The following PGAP4 variants were observed in gnomAD, a reference collection of about 807,000 sequenced individuals.
PGAP4 encodes the protein GPI-N-acetylgalactosamine transferase PGAP4.
A neutral mutation model predicts 28.2 loss-of-function variants in PGAP4; 12 were observed. The observed-to-expected ratio is 0.42, with a 90% CI of 0.27 to 0.69. The LOEUF (loss-of-function observed/expected upper bound fraction) is 0.69. Ranked by LOEUF, PGAP4 falls within the 30% of genes least tolerant of loss-of-function variation. PGAP4 has a pLI of 0.22. For missense variants in PGAP4, 425 were observed against 513.5 expected, an observed-to-expected ratio of 0.83 and a Z score of 1.67; for synonymous variants, 205 against 211.8, an observed-to-expected ratio of 0.97 and a Z score of 0.28.
chr9:101,477,211 A>AAAACAAACAAAC lies in PGAP4; in HGVS notation c.-77-54_-77-43dup, dbSNP rs71356363. 1.3e-3 allele frequency: 1,592 copies of AAAACAAACAAAC among 1,246,340 alleles called. 6 individuals are homozygous for AAAACAAACAAAC. The highest frequency in any genetic ancestry group is 8.8e-3 in the African/African-American group (564 of 64,060). 77.2% of individuals were successfully genotyped at this position (1,246,340 alleles called of 1,614,324 possible). A position where few individuals can be genotyped will look rare whatever the true frequency, so the allele number is the denominator to read the frequency against. On this transcript the variant is annotated intron_variant, in intron 1 of 1. Coordinates refer to ENST00000374848, the MANE Select transcript of PGAP4 (RefSeq NM_032342.3). ...TAGGGAATGGTAAGAGTAACTTAAA[A>AAAACAAACAAAC]AAACAAACAAACAAACAAACAAAAA... is the stretch of plus-strand genomic sequence containing the variant.
At chr9:101,512,098 G>C (rs1252613604) in intron 2 of PGAP4, among the ~76,000 whole-genome samples, 1 of 152,158 alleles carries the variant, frequency 6.6e-6, no homozygotes, top group African/African-American at 2.4e-5. Context: ...ACCTGGGTGA[G>C]AGCCTGACCA....
chr9:101,498,315 G>A (rs1182215089), intron 2 of PGAP4, among the ~76,000 whole-genome samples: 1 of 151,656 alleles, frequency 6.6e-6, no homozygotes, highest in African/African-American at 2.4e-5. Flanking sequence ...TAGCACATGA[G>A]GGCAGGGAAG....
chr9:101,519,670 C>G (rs1826971115), intron 2 of PGAP4, among the ~76,000 whole-genome samples: 2 of 150,458 alleles, frequency 1.3e-5, no homozygotes, highest in Admixed American at 1.3e-4. Context: ...TATATATACA[C>G]ACATACATAT....
chr9:101,479,600 C>A (rs990919218), intron 1 of PGAP4, among the ~76,000 whole-genome samples: 1 of 152,198 alleles, frequency 6.6e-6, no homozygotes, highest in Non-Finnish European at 1.5e-5. Flanking sequence ...TTTAAAACTA[C>A]GTCTGTGAGA....
In PGAP4 at chr9:101,512,742, A is replaced by G. The variant is rs573625967; in HGVS notation, c.-165+18606T>C. Among the ~76,000 whole-genome samples the G allele has an allele frequency of 2.0e-5, 3 of 152,264 alleles. No homozygotes were observed. The South Asian group carries it at 6.2e-4, about 32-fold the overall frequency. ...AACCACCACCTAACATGAAACTAGA[A>G]CCCTGACAATAGCTTTCATCAATGT... On this transcript the variant is annotated intron_variant, in intron 2 of 3. Coordinates refer to the PGAP4 transcript ENST00000374851.
At chr9:101,496,321 A>G (rs993395037) in intron 2 of PGAP4, among the ~76,000 whole-genome samples, 78 of 151,630 alleles carry the variant, frequency 5.1e-4, no homozygotes, top group African/African-American at 1.8e-3. Flanking sequence ...AACAGAAGGC[A>G]ATGATGTGTG....
chr9:101,479,096 G>T (rs1588195191), intron 1 of PGAP4, among the ~76,000 whole-genome samples: 1 of 143,096 alleles, frequency 7.0e-6, no homozygotes, highest in Non-Finnish European at 1.5e-5. Flanking sequence ...AGCAAGGAGA[G>T]GTTTGAATTA....
rs183009354 is a variant in PGAP4 at position 101,497,459 on chromosome 9, G to A, written c.-164-8259C>T. Among the ~76,000 whole-genome samples the A allele has an allele frequency of 1.6e-3, 243 of 151,532 alleles. 1 individual carries two copies. The highest frequency in any genetic ancestry group is 5.5e-3 in the African/African-American group (229 of 41,442). On this transcript the variant is annotated intron_variant, in intron 2 of 3. Transcript: ENST00000374851. Reference sequence around the variant, plus strand: ...GTTTTAAACCAACAATATTAATTTAGTTTTATTTATCAAAATATTACACAA... The same window carrying A: ...GTTTTAAACCAACAATATTAATTTAATTTTATTTATCAAAATATTACACAA...
chr9:101,505,347 A>G (rs2417270), intron 2 of PGAP4, among the ~76,000 whole-genome samples: 5,872 of 152,220 alleles, frequency 0.039, 164 homozygotes, highest in Admixed American at 0.077. Context: ...AATTGGATGC[A>G]TATTTTAATT....
chr9:101,483,962 T>C (rs973169159), intron 1 of PGAP4, among the ~76,000 whole-genome samples: 18 of 152,226 alleles, frequency 1.2e-4, no homozygotes, highest in African/African-American at 4.1e-4. Context: ...TTTAATTTAC[T>C]TCGAGGGAGT....
chr9:101,483,864 T>G (rs1195803315), intron 1 of PGAP4, among the ~76,000 whole-genome samples: 1 of 152,142 alleles, frequency 6.6e-6, no homozygotes, highest in Admixed American at 6.5e-5. Context: ...AAAAAGTCAT[T>G]AATAAACAGA....
At chr9:101,484,795 T>C (rs561191404) in intron 1 of PGAP4, among the ~76,000 whole-genome samples, 89 of 152,298 alleles carry the variant, frequency 5.8e-4, no homozygotes, top group African/African-American at 1.9e-3. Flanking sequence ...GCAGCTCAAG[T>C]AGACTAAGAC....
intron 2 of PGAP4, among the ~76,000 whole-genome samples, chr9:101,495,495 G>T (rs1324585275): frequency 9.1e-6 from 1 of 109,304 alleles, no homozygotes; most frequent in Non-Finnish European, 1.9e-5. Flanking sequence ...GCTTTCTGTG[G>T]CTCAACTGGA....
intron 2 of PGAP4, among the ~76,000 whole-genome samples, chr9:101,524,803 G>A (rs1400675653): frequency 6.6e-6 from 1 of 152,162 alleles, no homozygotes; most frequent in African/African-American, 2.4e-5. Context: ...CACAGTTGGG[G>A]CACTCACAGT....
At chr9:101,530,190 C>T (rs900464450) in intron 2 of PGAP4, among the ~76,000 whole-genome samples, 6 of 152,198 alleles carry the variant, frequency 3.9e-5, no homozygotes, top group Non-Finnish European at 8.8e-5. Flanking sequence ...CAGTAGTTGT[C>T]CAAGTTTCTA....
chr9:101,502,037 C>T (rs1259151619), intron 2 of PGAP4, among the ~76,000 whole-genome samples: 2 of 152,130 alleles, frequency 1.3e-5, no homozygotes, highest in African/African-American at 2.4e-5. Context: ...CCTCTCTCAT[C>T]ACCAAATGTC....
At chr9:101,490,232 G>A (rs750075010), upstream of PGAP4, among the ~76,000 whole-genome samples, 4 of 151,750 alleles carry the variant, frequency 2.6e-5, no homozygotes, top group South Asian at 4.2e-4. Context: ...GTCTGTCGCC[G>A]AGGCTGGAGT....
At position 101,475,045 on chromosome 9, in the gene PGAP4, A is replaced by C. The variant is rs751452470; in HGVS notation, c.*836T>G. The stretch of plus-strand genomic sequence containing the variant: ...ACCTAGAAGAAAAAGAAATGAAGGT[A>C]AGCAGTCAGCCAGGAAAGTCAGGAA... On this transcript the variant is annotated 3_prime_UTR_variant, in exon 2 of 2. Transcript: ENST00000374848. 2 of 150,098 alleles carry C rather than the reference A, an allele frequency of 1.3e-5. No individual in the cohort carries two copies. The highest frequency in any genetic ancestry group is 6.7e-5 in the Admixed American group (1 of 14,978). The allele number at this position is 150,098 out of a possible 1,614,324, so 9.3% of individuals were successfully genotyped here.
At chr9:101,525,908 TAATA>T (rs1386807902) in intron 2 of PGAP4, among the ~76,000 whole-genome samples, 5 of 152,264 alleles carry the variant, frequency 3.3e-5, no homozygotes, top group Middle Eastern at 3.4e-3. Flanking sequence ...AAATTTTAAG[TAATA>T]AATAATGCTA....
Sources: allele counts gnomAD v4.1 joint callset (sites outside exome capture counted in the v4.1 genomes callset), GRCh38; gene constraint gnomAD v4.1.1; transcripts MANE v1.5; gene names NCBI Gene and HGNC (gene_info 2026-07-23, HGNC 2026-07-21).